Variants in SLC24A3 observed in about 807,000 individuals in gnomAD.
The protein encoded by SLC24A3 is sodium/potassium/calcium exchanger 3.
A neutral mutation model predicts 75.8 loss-of-function variants in SLC24A3; 28 were observed. The observed-to-expected ratio is 0.37, with a 90% CI of 0.27 to 0.51. The LOEUF (loss-of-function observed/expected upper bound fraction) is 0.51, where lower values mean the gene tolerates loss of function less well. SLC24A3 is among the 20% of genes least tolerant of loss of function. The pLI is 0.94. For synonymous variants in SLC24A3, 372 were observed against 334.1 expected, an observed-to-expected ratio of 1.11 and a Z score of -1.24; for missense variants, 663 against 847.8, an observed-to-expected ratio of 0.78 and a Z score of 2.71.
intron 3 of SLC24A3, among the ~76,000 whole-genome samples, chr20:19,572,768 G>T (rs1462133148): frequency 6.6e-6 from 1 of 152,108 alleles, no homozygotes; most frequent in Non-Finnish European, 1.5e-5. Context: ...TAGAATCAAT[G>T]AATGGTTCCA....
At chr20:19,603,559 G>A (rs929683559) in intron 6 of SLC24A3, among the ~76,000 whole-genome samples, 6 of 152,110 alleles carry the variant, frequency 3.9e-5, no homozygotes, top group East Asian at 1.9e-4. Flanking sequence ...ACACCTGTTC[G>A]CCCAGCAGGC....
intron 13 of SLC24A3, 177 bp downstream of exon 13, chr20:19,693,602 C>T: frequency 1.4e-6 from 1 of 720,048 alleles, no homozygotes; most frequent in Non-Finnish European, 2.1e-6. Context: ...CTCCTGCTCA[C>T]ACGTCTTCAT....
At chr20:19,669,085 A>G (rs1364232495) in intron 8 of SLC24A3, among the ~76,000 whole-genome samples, 1 of 152,174 alleles carries the variant, frequency 6.6e-6, no homozygotes, top group Non-Finnish European at 1.5e-5. Context: ...ACCCTCTTTG[A>G]GATCAGAAGG....
intron 2 of SLC24A3, among the ~76,000 whole-genome samples, chr20:19,411,859 A>G (rs1464584762): frequency 1.3e-5 from 2 of 152,126 alleles, no homozygotes; most frequent in East Asian, 3.9e-4. Context: ...ATAGTTGACA[A>G]TTTTTTTGTA....
At chr20:19,374,509 A>G (rs1047739814) in intron 2 of SLC24A3, among the ~76,000 whole-genome samples, 2 of 152,218 alleles carry the variant, frequency 1.3e-5, no homozygotes, top group Admixed American at 1.3e-4. Context: ...CACCTTTTCT[A>G]TCTCTCCTGG....
In SLC24A3 at chr20:19,654,124, C is replaced by T. The variant is rs758766941; in HGVS notation, c.675C>T (p.Ile225=). The T allele has an allele frequency of 5.6e-6, 9 of 1,613,704 alleles. No individual in the cohort carries two copies. Among genetic ancestry groups the T allele is most frequent in the Admixed American group, 3.3e-5 (2 of 60,016 alleles). The change falls in exon 7 of 17, where the codon ATC becomes ATT. Residue 225 remains isoleucine (I), a synonymous_variant. Coordinates refer to ENST00000328041, the MANE Select transcript of SLC24A3 (RefSeq NM_020689.4). ...CTATTTACTACACGCTGTCTGTGAT[C>T]GCGCTCATCGTGGTGAGTCACTCTG... is the stretch of plus-strand genomic sequence containing the variant. The part of the protein sequence containing the change: ...RDSIYYTLSV[I]ALIVFIYDEK...
intron 2 of SLC24A3, among the ~76,000 whole-genome samples, chr20:19,321,233 C>G (rs1175072646): frequency 6.6e-6 from 1 of 152,148 alleles, no homozygotes; most frequent in Non-Finnish European, 1.5e-5. Context: ...TGCTCATAAC[C>G]ACAGTGTCAT....
At chr20:19,526,100 G>C (rs1445102231) in intron 3 of SLC24A3, among the ~76,000 whole-genome samples, 2 of 152,120 alleles carry the variant, frequency 1.3e-5, no homozygotes, top group Non-Finnish European at 2.9e-5. Flanking sequence ...CAGTCTCCCC[G>C]ATAGCTCTTC....
Position 19,717,557 on chromosome 20 carries a change from C to T in SLC24A3, c.1749C>T (p.Tyr583=), listed in dbSNP as rs142376165. The part of the protein sequence containing the change: ...YIRLNSRGLI[Y]SVGLLLASVF... ...GGCTGAATAGCAGGGGGCTGATCTA[C>T]TCCGTAGGCTTGCTCCTGGCCTCTG... is the stretch of plus-strand genomic sequence containing the variant. The change falls in exon 16 of 17, where the codon TAC becomes TAT. Residue 583 remains tyrosine (Y), a synonymous_variant. Transcript: ENST00000328041. 6.2e-7 allele frequency: 1 copy of T among 1,614,200 alleles called. No individual in the cohort carries two copies. Among genetic ancestry groups the T allele is most frequent in the East Asian group, 2.2e-5 (1 of 44,876 alleles).
intron 2 of SLC24A3, among the ~76,000 whole-genome samples, chr20:19,290,075 C>A (rs1359897645): frequency 6.6e-6 from 1 of 152,146 alleles, no homozygotes; most frequent in African/African-American, 2.4e-5. Flanking sequence ...CCCCTGGGTG[C>A]CTGTTACAAA....
intron 1 of SLC24A3, among the ~76,000 whole-genome samples, chr20:19,222,319 T>G (rs73124807): frequency 0.095 from 14,464 of 152,260 alleles, 873 homozygotes; most frequent in Non-Finnish European, 0.14. Flanking sequence ...TATACATGCT[T>G]TCTTCAGATG....
chr20:19,666,986 G>A (rs2032406592), intron 8 of SLC24A3, among the ~76,000 whole-genome samples: 3 of 152,176 alleles, frequency 2.0e-5, no homozygotes, highest in Admixed American at 2.0e-4. Flanking sequence ...TAACATATTA[G>A]GAATAGGCGT....
intron 2 of SLC24A3, among the ~76,000 whole-genome samples, chr20:19,394,169 G>A (rs1295524606): frequency 6.6e-6 from 1 of 152,168 alleles, no homozygotes; most frequent in African/African-American, 2.4e-5. Flanking sequence ...AAAGGATGAA[G>A]TTGAGCTCTT....
chr20:19,659,689 C>T (rs757721313), intron 7 of SLC24A3, among the ~76,000 whole-genome samples: 39 of 152,132 alleles, frequency 2.6e-4, no homozygotes, highest in East Asian at 5.8e-4. Flanking sequence ...GGTCAGGGAC[C>T]GGTAATACCT....
At chr20:19,369,171 G>A (rs1473564863) in intron 2 of SLC24A3, among the ~76,000 whole-genome samples, 3 of 152,198 alleles carry the variant, frequency 2.0e-5, no homozygotes, top group Non-Finnish European at 2.9e-5. Flanking sequence ...AAAGGAAAAA[G>A]TAGTAACTTT....
At position 19,425,185 on chromosome 20, in the gene SLC24A3, C is replaced by T. The variant is rs189129569; in HGVS notation, c.272-90303C>T. On this transcript the variant is annotated intron_variant, in intron 2 of 16. Coordinates refer to ENST00000328041, the MANE Select transcript of SLC24A3 (RefSeq NM_020689.4). ...GGGCATGGTGGTGTGCACCTGTAAT[C>T]CCAGCTACTCAGGAGGCTGAGGCAG... Among the ~76,000 whole-genome samples, 511 of 152,222 alleles carry T rather than the reference C, an allele frequency of 3.4e-3. 12 individuals carry two copies. The highest frequency in any genetic ancestry group is 0.03 in the Admixed American group (455 of 15,296).
intron 13 of SLC24A3, among the ~76,000 whole-genome samples, chr20:19,695,198 G>A (rs1022446174): frequency 6.6e-6 from 1 of 152,210 alleles, no homozygotes; most frequent in Non-Finnish European, 1.5e-5. Flanking sequence ...CAGGGAAGGA[G>A]CGATTGTGGC....
In SLC24A3 at chr20:19,687,906, C is replaced by G. The variant is rs75364900; in HGVS notation, c.1324+2545C>G. Among the ~76,000 whole-genome samples, 1,493 of 152,234 alleles carry G rather than the reference C, an allele frequency of 9.8e-3. 15 individuals carry two copies. The highest frequency in any genetic ancestry group is 0.033 in the African/African-American group (1,375 of 41,532). On this transcript the variant is annotated intron_variant, in intron 12 of 16. Transcript: ENST00000328041. The stretch of plus-strand genomic sequence containing the variant: ...CCTTCCAGCCACACCTTCTGGGCTC[C>G]TGTGTATGAGGAGACATGGCTGCAG...
chr20:19,333,295 A>G (rs1243058474), intron 2 of SLC24A3, among the ~76,000 whole-genome samples: 1 of 152,104 alleles, frequency 6.6e-6, no homozygotes, highest in Non-Finnish European at 1.5e-5. Context: ...GTACCCTTTT[A>G]TCTTCCCCCC....
Sources: gnomAD v4.1 joint callset for allele counts (sites outside exome capture counted in the v4.1 genomes callset) on GRCh38, gnomAD v4.1.1 for gene constraint, MANE v1.5 for transcripts, NCBI Gene and HGNC (gene_info 2026-07-23, HGNC 2026-07-21) for gene names.